The following CSMD1 variants were observed in gnomAD, a reference collection of about 807,000 sequenced individuals.
The protein encoded by CSMD1 is CUB and sushi domain-containing protein 1.
A neutral mutation model predicts 417.5 loss-of-function variants in CSMD1; 213 were observed. The observed-to-expected ratio is 0.51, with a 90% CI of 0.46 to 0.57. The LOEUF (loss-of-function observed/expected upper bound fraction) is 0.57. Among genes scored for constraint, CSMD1 ranks in the 20% least tolerant of loss-of-function variants. The pLI, the probability that CSMD1 is intolerant of heterozygous loss-of-function variation, is 0.00. For synonymous variants in CSMD1, 2,862 were observed against 1,736.8 expected (o/e 1.65, Z -16.11); for missense variants, 6,923 against 4,529.7 (o/e 1.53, Z -15.17).
rs747636534 is a variant in CSMD1, at chr8:4,732,377, GTGTGTA to G, written c.86-94825_86-94820del. Reference sequence around the variant, plus strand: ...TGTGTGTGTGTGTGTGTGTGTGTGTGTGTGTAGTGTTTTTCCCCTGAGATTCTCACT... The same window carrying G: ...TGTGTGTGTGTGTGTGTGTGTGTGTGGTGTTTTTCCCCTGAGATTCTCACT... On this transcript the variant is annotated intron_variant, in intron 1 of 69. Coordinates refer to ENST00000635120, the MANE Select transcript of CSMD1 (RefSeq NM_033225.6). Among the ~76,000 whole-genome samples, 379 of 148,350 alleles carry G rather than the reference GTGTGTA, an allele frequency of 2.6e-3. 5 individuals carry two copies. Among genetic ancestry groups the G allele is most frequent in the African/African-American group, 5.8e-3 (232 of 39,782 alleles).
chr8:3,302,201 G>A (rs1402155207), intron 25 of CSMD1, among the ~76,000 whole-genome samples: 1 of 152,176 alleles, frequency 6.6e-6, no homozygotes, highest in African/African-American at 2.4e-5. Context: ...TGAGCTCTGA[G>A]GAGAGATGTC....
intron 3 of CSMD1, among the ~76,000 whole-genome samples, chr8:4,066,990 C>A (rs1799285826): frequency 6.6e-6 from 1 of 152,216 alleles, no homozygotes. Flanking sequence ...AAAGCAACTC[C>A]ACAACTGAGA....
At chr8:3,309,150 C>T (rs1272425166) in intron 23 of CSMD1, among the ~76,000 whole-genome samples, 1 of 152,154 alleles carries the variant, frequency 6.6e-6, no homozygotes, top group Non-Finnish European at 1.5e-5. Context: ...ACTCTGCTGC[C>T]TCTTTGCCCC....
intron 25 of CSMD1, among the ~76,000 whole-genome samples, chr8:3,303,002 C>T (rs1303899268): frequency 6.6e-6 from 1 of 152,186 alleles, no homozygotes; most frequent in Non-Finnish European, 1.5e-5. Flanking sequence ...TCTGGAGTAG[C>T]AGCCATAGGC....
At chr8:3,617,443 A>G (rs1409907263) in intron 7 of CSMD1, among the ~76,000 whole-genome samples, 1 of 152,110 alleles carries the variant, frequency 6.6e-6, no homozygotes. Context: ...ATCCTGTATA[A>G]TTTGTCTAAT....
At chr8:4,501,097 G>C (rs1320694976) in intron 2 of CSMD1, among the ~76,000 whole-genome samples, 1 of 152,002 alleles carries the variant, frequency 6.6e-6, no homozygotes, top group Non-Finnish European at 1.5e-5. Context: ...AATAAAAAGG[G>C]ACAACCATGA....
intron 59 of CSMD1, among the ~76,000 whole-genome samples, chr8:2,965,007 T>C (rs970275476): frequency 6.6e-6 from 1 of 152,200 alleles, no homozygotes. Flanking sequence ...TTATGTTTGG[T>C]CACTGACAGC....
At chr8:4,173,743 A>C (rs1407516154) in intron 3 of CSMD1, among the ~76,000 whole-genome samples, 3 of 152,124 alleles carry the variant, frequency 2.0e-5, no homozygotes, top group Non-Finnish European at 4.4e-5. Flanking sequence ...TCATTAATAA[A>C]AAACTTATTT....
intron 3 of CSMD1, among the ~76,000 whole-genome samples, chr8:4,144,123 C>A (rs1457891237): frequency 2.0e-5 from 3 of 151,100 alleles, no homozygotes; most frequent in Non-Finnish European, 4.4e-5. Context: ...CTTAGGTTCC[C>A]TGCCCCCAGA....
At chr8:3,214,980 C>T (rs758545751) in intron 29 of CSMD1, among the ~76,000 whole-genome samples, 14 of 152,246 alleles carry the variant, frequency 9.2e-5, no homozygotes, top group African/African-American at 1.7e-4. Flanking sequence ...TACAGTACTA[C>T]GTTTTTATAT....
intron 3 of CSMD1, among the ~76,000 whole-genome samples, chr8:4,125,840 G>C (rs1195071571): frequency 2.0e-5 from 3 of 152,142 alleles, no homozygotes; most frequent in Admixed American, 1.3e-4. Context: ...CTGGTGTCCA[G>C]TCTGCTTTGC....
At chr8:4,845,260 G>A (rs568008416) in intron 1 of CSMD1, among the ~76,000 whole-genome samples, 1 of 152,196 alleles carries the variant, frequency 6.6e-6, no homozygotes, top group Non-Finnish European at 1.5e-5. Flanking sequence ...AAAGACACAA[G>A]AAAGCCATCA....
At chr8:3,873,184 C>T (rs1475568296) in intron 5 of CSMD1, among the ~76,000 whole-genome samples, 2 of 152,094 alleles carry the variant, frequency 1.3e-5, no homozygotes, top group Non-Finnish European at 2.9e-5. Flanking sequence ...ACCATTCAAG[C>T]CAGCAATCCC....
chr8:3,833,140 T>G (rs1251514611), intron 5 of CSMD1, among the ~76,000 whole-genome samples: 1 of 152,152 alleles, frequency 6.6e-6, no homozygotes, highest in East Asian at 1.9e-4. Flanking sequence ...AACGATCAAC[T>G]TCCTCTCTTT....
At chr8:4,270,714 A>G (rs1440260340) in intron 3 of CSMD1, among the ~76,000 whole-genome samples, 1 of 152,168 alleles carries the variant, frequency 6.6e-6, no homozygotes, top group African/African-American at 2.4e-5. Context: ...TTTCATTTGT[A>G]ATGTGAAAAT....
intron 1 of CSMD1, among the ~76,000 whole-genome samples, chr8:4,860,566 A>G (rs973311980): frequency 2.0e-5 from 3 of 152,098 alleles, no homozygotes; most frequent in Non-Finnish European, 4.4e-5. Flanking sequence ...CTTTCTGTAC[A>G]GCCTGCAGAA....
chr8:4,086,182 A>G (rs1304738063), intron 3 of CSMD1, among the ~76,000 whole-genome samples: 1 of 152,210 alleles, frequency 6.6e-6, no homozygotes, highest in Non-Finnish European at 1.5e-5. Context: ...TAATTTACTC[A>G]ATAATAAAAC....
intron 46 of CSMD1, among the ~76,000 whole-genome samples, chr8:3,098,553 A>G (rs1230253268): frequency 1.3e-5 from 2 of 152,240 alleles, no homozygotes; most frequent in Non-Finnish European, 2.9e-5. Context: ...ATGATAAATT[A>G]ATGGCAATAA....
intron 5 of CSMD1, among the ~76,000 whole-genome samples, chr8:3,876,981 C>G (rs962664165): frequency 1.3e-5 from 2 of 152,192 alleles, no homozygotes; most frequent in Admixed American, 1.3e-4. Flanking sequence ...AGTCATAACA[C>G]AGATCTCAAG....
Sources: allele counts gnomAD v4.1 joint callset (sites outside exome capture counted in the v4.1 genomes callset), GRCh38; gene constraint gnomAD v4.1.1; transcripts MANE v1.5; gene names NCBI Gene and HGNC (gene_info 2026-07-23, HGNC 2026-07-21).